The following PXDNL variants were observed in gnomAD, a reference collection of about 807,000 sequenced individuals.
PXDNL encodes probable oxidoreductase PXDNL.
A neutral mutation model predicts 150.8 loss-of-function variants in PXDNL; 145 were observed. That is an observed-to-expected ratio of 0.96 (90% confidence interval 0.84 to 1.10). PXDNL has a LOEUF of 1.10. Ranked by LOEUF, PXDNL falls within the 50% of genes least tolerant of loss-of-function variation. PXDNL has a pLI of 0.00. For synonymous variants in PXDNL, 757 were observed against 725.7 expected, an observed-to-expected ratio of 1.04 and a Z score of -0.69; for missense variants, 2,087 against 1,873.9, an observed-to-expected ratio of 1.11 and a Z score of -2.10.
chr8:51,416,646 C>T (rs941244535), intron 14 of PXDNL, among the ~76,000 whole-genome samples: 1 of 152,190 alleles, frequency 6.6e-6, no homozygotes, highest in African/African-American at 2.4e-5. Flanking sequence ...AATCTGTATC[C>T]TCACATGATT....
intron 1 of PXDNL, among the ~76,000 whole-genome samples, chr8:51,755,690 C>A (rs1029318974): frequency 6.6e-6 from 1 of 152,178 alleles, no homozygotes. Flanking sequence ...CTATATATTT[C>A]ATAAAATTTA....
At chr8:51,583,440 A>T (rs1767902679) in intron 3 of PXDNL, among the ~76,000 whole-genome samples, 2 of 152,190 alleles carry the variant, frequency 1.3e-5, no homozygotes, top group Non-Finnish European at 1.5e-5. Context: ...AGTTGTTCAT[A>T]GCAGTTTCAT....
intron 19 of PXDNL, among the ~76,000 whole-genome samples, chr8:51,367,781 C>T (rs1806966590): frequency 6.6e-6 from 1 of 152,204 alleles, no homozygotes; most frequent in East Asian, 1.9e-4. Flanking sequence ...AACAAAAACA[C>T]CATGTTGTTT....
intron 1 of PXDNL, among the ~76,000 whole-genome samples, chr8:51,773,317 C>T (rs2037319390): frequency 6.6e-6 from 1 of 152,216 alleles, no homozygotes; most frequent in Non-Finnish European, 1.5e-5. Flanking sequence ...GAGCCAGCCA[C>T]AGCTTCTGCC....
chr8:51,761,245 G>T (rs556941458), intron 1 of PXDNL, among the ~76,000 whole-genome samples: 2 of 151,768 alleles, frequency 1.3e-5, no homozygotes, highest in East Asian at 1.9e-4. Flanking sequence ...CAAACAGCAG[G>T]GTTCTCCAAA....
intron 1 of PXDNL, among the ~76,000 whole-genome samples, chr8:51,742,739 C>T (rs1343124757): frequency 2.0e-5 from 3 of 151,916 alleles, no homozygotes; most frequent in Admixed American, 6.6e-5. Flanking sequence ...TAAGCTATAA[C>T]AAATTTCATG....
In PXDNL at chr8:51,453,524, A is replaced by G; in HGVS notation, c.1244T>C (p.Val415Ala). 6.2e-7 allele frequency: 1 copy of G among 1,613,994 alleles called. No individual in the cohort carries two copies. The highest frequency in any genetic ancestry group is 1.1e-5 in the South Asian group (1 of 91,084). ...GTVQAAANII[V>A]QAPPQFTVTP... is the part of the protein sequence containing the mutation. ...ATGACCTTCTGCTCCCATACCTTGTACAATTATGTTTGCTGCAGCTTGAAC... is the reference window on the plus strand; with the variant it reads ...ATGACCTTCTGCTCCCATACCTTGTGCAATTATGTTTGCTGCAGCTTGAAC... Residue 415 changes from valine to alanine, a missense_variant, in exon 10 of 23, where the codon GTA (valine) becomes GCA (alanine). By Grantham distance (64) the Val-to-Ala change is moderately conservative. Coordinates refer to ENST00000356297, the MANE Select transcript of PXDNL (RefSeq NM_144651.5).
intron 1 of PXDNL, among the ~76,000 whole-genome samples, chr8:51,699,940 C>A (rs1259385410): frequency 2.0e-5 from 3 of 152,026 alleles, no homozygotes; most frequent in African/African-American, 4.8e-5. Flanking sequence ...CATCAAAGAC[C>A]ACTGACCACA....
chr8:51,640,420 G>T (rs1814722537), intron 2 of PXDNL, among the ~76,000 whole-genome samples: 1 of 152,142 alleles, frequency 6.6e-6, no homozygotes, highest in Non-Finnish European at 1.5e-5. Flanking sequence ...AATTGTCCCT[G>T]TTTGCAGATG....
intron 1 of PXDNL, among the ~76,000 whole-genome samples, chr8:51,709,551 C>A (rs549365986): frequency 1.3e-5 from 2 of 152,274 alleles, no homozygotes; most frequent in Non-Finnish European, 2.9e-5. Context: ...CCATGCCTGG[C>A]CCCCAAAATC....
At position 51,447,791 on chromosome 8, in the gene PXDNL, A is replaced by C. The variant is rs928403042; in HGVS notation, c.1367-629T>G. 2.0e-5 allele frequency among the ~76,000 whole-genome samples: 3 copies of C among 152,230 alleles called. No homozygotes were observed. The East Asian group carries it at 5.8e-4, about 29-fold the overall frequency. On this transcript the variant is annotated intron_variant, in intron 11 of 22. Coordinates refer to ENST00000356297, the MANE Select transcript of PXDNL (RefSeq NM_144651.5). ...TATCTTATTGAATGTCTTGTTACAGATGGAAAAAGGAATAGCTAACCCTAT... is the reference window on the plus strand; with the variant it reads ...TATCTTATTGAATGTCTTGTTACAGCTGGAAAAAGGAATAGCTAACCCTAT...
chr8:51,400,448 C>T (rs1410130242), intron 17 of PXDNL, among the ~76,000 whole-genome samples: 1 of 152,144 alleles, frequency 6.6e-6, no homozygotes, highest in Non-Finnish European at 1.5e-5. Flanking sequence ...TTTATAACTT[C>T]TAAAACGCGT....
chr8:51,343,450 T>A (rs1047443618), intron 20 of PXDNL, among the ~76,000 whole-genome samples: 2 of 152,190 alleles, frequency 1.3e-5, no homozygotes, highest in African/African-American at 4.8e-5. Context: ...AACTCATAAT[T>A]GTAAAGTGTA....
At chr8:51,655,465 G>A (rs1222911980) in intron 1 of PXDNL, among the ~76,000 whole-genome samples, 1 of 152,094 alleles carries the variant, frequency 6.6e-6, no homozygotes, top group African/African-American at 2.4e-5. Flanking sequence ...ACAGGACTAG[G>A]GTGCATAGTG....
At chr8:51,558,880 A>C (rs927234454) in intron 3 of PXDNL, among the ~76,000 whole-genome samples, 4 of 152,090 alleles carry the variant, frequency 2.6e-5, no homozygotes, top group African/African-American at 9.7e-5. Flanking sequence ...CAGAGTTTGC[A>C]GCAGAGAAAG....
At chr8:51,629,762 T>C (rs1479397470) in intron 2 of PXDNL, among the ~76,000 whole-genome samples, 1 of 152,144 alleles carries the variant, frequency 6.6e-6, no homozygotes. Context: ...GGAAACAGAA[T>C]GACATTTTAA....
At chr8:51,719,507 A>C (rs1029024364) in intron 1 of PXDNL, among the ~76,000 whole-genome samples, 1 of 152,146 alleles carries the variant, frequency 6.6e-6, no homozygotes, top group Admixed American at 6.5e-5. Flanking sequence ...ACACTGCGGA[A>C]GGCCGCAGGG....
At position 51,345,913 on chromosome 8, in the gene PXDNL, C is replaced by T. The variant is rs778752839; in HGVS notation, c.3936G>A (p.Thr1312=). The change falls in exon 20 of 23, where the codon ACG becomes ACA. Residue 1312 remains threonine, a synonymous_variant. Coordinates refer to ENST00000356297, the MANE Select transcript of PXDNL (RefSeq NM_144651.5). ...CTGAGCGTTTCTTTTGAGACTCTTG[C>T]GTCACTGCTCTGAACTGTCCTCTAC... is the stretch of plus-strand genomic sequence containing the variant. ...CRSRGQFRAV[T]QESQKKRSAQ... 12 of 1,613,334 alleles carry T rather than the reference C, an allele frequency of 7.4e-6. No homozygotes were observed. The highest frequency in any genetic ancestry group is 1.6e-4 in the Middle Eastern group (1 of 6,082).
chr8:51,435,304 G>A (rs1407312412), intron 12 of PXDNL, among the ~76,000 whole-genome samples: 1 of 151,984 alleles, frequency 6.6e-6, no homozygotes, highest in Non-Finnish European at 1.5e-5. Context: ...CTGGGTGATA[G>A]AGCGAGACTC....
Sources: allele counts gnomAD v4.1 joint callset (sites outside exome capture counted in the v4.1 genomes callset), GRCh38; gene constraint gnomAD v4.1.1; transcripts MANE v1.5; gene names NCBI Gene and HGNC (gene_info 2026-07-23, HGNC 2026-07-21).